ESR1: variants seen among roughly 807,000 people sequenced by gnomAD.
The protein encoded by ESR1 is estrogen receptor 1.
A neutral mutation model predicts 52.7 loss-of-function variants in ESR1; 12 were observed. The ratio of observed to expected loss-of-function variants is 0.23; its 90% CI spans 0.15 to 0.37. The LOEUF (loss-of-function observed/expected upper bound fraction) is 0.37. Among genes scored for constraint, ESR1 ranks in the 10% least tolerant of loss-of-function variants. ESR1 has a pLI of 1.00. For synonymous variants in ESR1, 305 were observed against 316.8 expected, an observed-to-expected ratio of 0.96 and a Z score of 0.39; for missense variants, 584 against 779.7, an observed-to-expected ratio of 0.75 and a Z score of 2.99.
intron 4 of ESR1, among the ~76,000 whole-genome samples, chr6:151,952,153 T>G (rs2036399049): frequency 6.6e-6 from 1 of 152,218 alleles, no homozygotes; most frequent in Non-Finnish European, 1.5e-5. Flanking sequence ...AGACAGCACT[T>G]CAATTAACAG....
intron 5 of ESR1, among the ~76,000 whole-genome samples, chr6:152,037,642 CTTGTGG>C (rs747098052): frequency 6.6e-5 from 10 of 152,260 alleles, no homozygotes; most frequent in Non-Finnish European, 1.3e-4. Context: ...AGGTGTCATG[CTTGTGG>C]TTCATAATGT....
chr6:151,928,255 C>T (rs1262193649), intron 3 of ESR1, among the ~76,000 whole-genome samples: 1 of 152,170 alleles, frequency 6.6e-6, no homozygotes, highest in African/African-American at 2.4e-5. Flanking sequence ...ACCTACCAAA[C>T]ATTATCGCTT....
At chr6:151,699,654 T>C (rs1378190989) in intron 1 of ESR1, among the ~76,000 whole-genome samples, 1 of 152,214 alleles carries the variant, frequency 6.6e-6, no homozygotes. Context: ...ATTGAGTTCG[T>C]GTTAATGAAG....
chr6:151,850,109 C>A (rs58040676), intron 2 of ESR1, among the ~76,000 whole-genome samples: 567 of 40,796 alleles, frequency 0.014, 116 homozygotes, highest in African/African-American at 0.044. Flanking sequence ...TATATATATA[C>A]AAAATTATAT....
chr6:151,811,708 C>A (rs1778862550), intron 1 of ESR1, among the ~76,000 whole-genome samples: 1 of 151,406 alleles, frequency 6.6e-6, no homozygotes, highest in African/African-American at 2.4e-5. Context: ...ACATTTCAGC[C>A]CCCTTCCTTT....
intron 4 of ESR1, among the ~76,000 whole-genome samples, chr6:151,994,987 AT>A (rs969257976): frequency 3.9e-5 from 6 of 152,160 alleles, no homozygotes; most frequent in African/African-American, 1.4e-4. Context: ...GGAAACCATA[AT>A]GCCTTTCATA....
chr6:151,747,992 A>G (rs1240187853), intron 2 of ESR1, among the ~76,000 whole-genome samples: 1 of 152,224 alleles, frequency 6.6e-6, no homozygotes, highest in Admixed American at 6.5e-5. Flanking sequence ...TCTTGAGTAT[A>G]TGCCTAATAG....
chr6:151,880,764 G>C lies in ESR1; in HGVS notation c.753G>C (p.Met251Ile), dbSNP rs992017069. 1.2e-5 allele frequency: 19 copies of C among 1,567,250 alleles called. No individual in the cohort carries two copies. The Middle Eastern group carries it at 6.7e-4, about 55-fold the overall frequency. The change falls in exon 3 of 8, where the codon ATG becomes ATC. Residue 251 changes from methionine to isoleucine, a missense_variant. Physicochemically the swap from Met to Ile is conservative, Grantham distance 10. Around this residue, in one of 6 missense-constraint regions of ESR1, gnomAD observed 88 missense variants for 88.3 expected, o/e 1.00. Transcript: ENST00000206249. ...GTAAATGCTACGAAGTGGGAATGATGAAAGGTGGTAGGTACATCTCTCCCA... is the reference window on the plus strand; with the variant it reads ...GTAAATGCTACGAAGTGGGAATGATCAAAGGTGGTAGGTACATCTCTCCCA... ...RLRKCYEVGM[M>I]KGGIRKDRRG...
Position 152,094,317 on chromosome 6 carries a change from A to G in ESR1, c.1370-68A>G, listed in dbSNP as rs562425943. ...ACTGGCTCATTGTTACATCCCATGA[A>G]CACTCTGGGTCTCCTAGACCTCATC... is the stretch of plus-strand genomic sequence containing the variant. On this transcript the variant is annotated intron_variant, in intron 6 of 7. Transcript: ENST00000206249. The surrounding 1 kb of genome is among the most constrained non-coding windows in gnomAD (Gnocchi z 4.6). 4 of 1,369,106 alleles carry G rather than the reference A, an allele frequency of 2.9e-6. No homozygotes were observed. Among genetic ancestry groups the G allele is most frequent in the South Asian group, 1.2e-5 (1 of 85,764 alleles). 84.8% of individuals were successfully genotyped at this position (1,369,106 alleles called of 1,614,324 possible).
At chr6:151,915,193 C>G (rs78444495) in intron 3 of ESR1, among the ~76,000 whole-genome samples, 39 of 129,976 alleles carry the variant, frequency 3.0e-4, no homozygotes, top group African/African-American at 1.1e-3. Context: ...GATTCCGTCT[C>G]AAAAAAAAAA....
At chr6:151,875,781 A>C (rs1791702029) in intron 2 of ESR1, among the ~76,000 whole-genome samples, 1 of 152,208 alleles carries the variant, frequency 6.6e-6, no homozygotes, top group Non-Finnish European at 1.5e-5. Context: ...ATGTGTCAAC[A>C]GAAAGACATG....
At chr6:151,821,820 C>T (rs896822562) in intron 1 of ESR1, among the ~76,000 whole-genome samples, 12 of 152,012 alleles carry the variant, frequency 7.9e-5, no homozygotes, top group African/African-American at 1.2e-4. Context: ...TGACTAAGCC[C>T]GATGTTGGTT....
chr6:152,075,746 A>G (rs914450729), intron 6 of ESR1, among the ~76,000 whole-genome samples: 4 of 152,248 alleles, frequency 2.6e-5, no homozygotes, highest in African/African-American at 9.6e-5. Context: ...CAGGCTATTA[A>G]GCAGGCTGTT....
intron 2 of ESR1, among the ~76,000 whole-genome samples, chr6:151,726,941 C>T (rs1480377374): frequency 6.6e-6 from 1 of 152,092 alleles, no homozygotes; most frequent in Admixed American, 6.5e-5. Context: ...CTCCTGATCG[C>T]AGGGCAGCAT....
chr6:151,992,215 C>T (rs566778825), intron 4 of ESR1, among the ~76,000 whole-genome samples: 3 of 152,192 alleles, frequency 2.0e-5, no homozygotes, highest in Admixed American at 6.5e-5. Flanking sequence ...AGCTCAGTGG[C>T]GTTAAGTGCA....
Position 152,085,533 on chromosome 6 carries a change from G to A in ESR1, c.1370-8852G>A, listed in dbSNP as rs1024005019. On this transcript the variant is annotated intron_variant, in intron 6 of 7. Coordinates refer to ENST00000206249, the MANE Select transcript of ESR1 (RefSeq NM_000125.4). ...CAACCAGGGGTAATTTGAGAGTTAT[G>A]GGCTGGAACCACCTTGAGGCATCTT... Among the ~76,000 whole-genome samples the A allele has an allele frequency of 3.3e-5, 5 of 152,020 alleles. 1 individual carries two copies. Among genetic ancestry groups the A allele is most frequent in the African/African-American group, 1.2e-4 (5 of 41,388 alleles).
chr6:151,686,282 A>G (rs1457374099), upstream of ESR1, among the ~76,000 whole-genome samples: 1 of 152,158 alleles, frequency 6.6e-6, no homozygotes, highest in African/African-American at 2.4e-5. Flanking sequence ...AGTAAAAGAC[A>G]GTATACAGTG....
chr6:151,811,632 T>C lies in ESR1; in HGVS notation c.452+3268T>C, dbSNP rs543434516. ...TTTCTCAACTTTGAATAGAGACTGA[T>C]TTCCAAAGTGAGATTTAAGTGACTA... On this transcript the variant is annotated intron_variant, in intron 1 of 7. Transcript: ENST00000206249. Among the ~76,000 whole-genome samples the C allele has an allele frequency of 4.6e-5, 7 of 152,310 alleles. No homozygotes were observed. In the East Asian group the frequency reaches 1.3e-3, roughly 29 times the overall value.
intron 2 of ESR1, among the ~76,000 whole-genome samples, chr6:151,750,916 G>A (rs1783855132): frequency 6.6e-6 from 1 of 152,116 alleles, no homozygotes; most frequent in Admixed American, 6.5e-5. Flanking sequence ...AGGAGAACCT[G>A]GAAAATTAAC....
Sources: gnomAD v4.1 joint callset for allele counts (sites outside exome capture counted in the v4.1 genomes callset) on GRCh38, gnomAD v4.1.1 for gene constraint, gnomAD v4.1.1 regional missense constraint, Gnocchi (gnomAD v3.1) non-coding constraint, MANE v1.5 for transcripts, NCBI Gene and HGNC (gene_info 2026-07-23, HGNC 2026-07-21) for gene names.